Variants in SOCS5 observed in about 807,000 individuals in gnomAD.
The protein encoded by SOCS5 is CIS-6.
In SOCS5, 32 loss-of-function variants were observed where a neutral mutation model predicts 42.8. The observed-to-expected ratio is 0.75, with a 90% CI of 0.56 to 1.01. The LOEUF (loss-of-function observed/expected upper bound fraction) is 1.01. Among genes scored for constraint, SOCS5 ranks in the 50% least tolerant of loss-of-function variants. The pLI, the probability that SOCS5 is intolerant of heterozygous loss-of-function variation, is 0.00. For missense variants in SOCS5, 627 were observed against 653.0 expected, an observed-to-expected ratio of 0.96 and a Z score of 0.43; for synonymous variants, 283 against 229.6, an observed-to-expected ratio of 1.23 and a Z score of -2.10.
intron 1 of SOCS5, among the ~76,000 whole-genome samples, chr2:46,703,681 T>C (rs959815953): frequency 3.9e-5 from 6 of 152,232 alleles, no homozygotes; most frequent in African/African-American, 1.4e-4. Context: ...CTGTTATTCA[T>C]ATTTAAAATT....
In SOCS5 at chr2:46,702,068, A is replaced by G. The variant is rs183875943; in HGVS notation, c.-13+2619A>G. Among the ~76,000 whole-genome samples, 36 of 152,088 alleles carry G rather than the reference A, an allele frequency of 2.4e-4. No homozygotes were observed. The East Asian group carries it at 4.3e-3, about 18-fold the overall frequency. On this transcript the variant is annotated intron_variant, in intron 1 of 1. Transcript: ENST00000394861. Reference sequence around the variant, plus strand: ...TAGGCAAGTGATTTAACCACTGTGTACCTGAGTTTACTCGTTTGTAAAGGG... The same window carrying G: ...TAGGCAAGTGATTTAACCACTGTGTGCCTGAGTTTACTCGTTTGTAAAGGG...
chr2:46,706,641 C>T (rs1229589624), intron 1 of SOCS5, among the ~76,000 whole-genome samples: 2 of 152,126 alleles, frequency 1.3e-5, no homozygotes, highest in Non-Finnish European at 2.9e-5. Context: ...AGGAAAATAT[C>T]GTTTAATAGA....
At chr2:46,701,764 G>A (rs970181865) in intron 1 of SOCS5, among the ~76,000 whole-genome samples, 1 of 118,208 alleles carries the variant, frequency 8.5e-6, no homozygotes, top group Non-Finnish European at 2.0e-5. Flanking sequence ...TGTCATTTAG[G>A]TGAAAATATT....
intron 1 of SOCS5, among the ~76,000 whole-genome samples, chr2:46,744,110 C>G (rs926056725): frequency 5.9e-5 from 9 of 152,120 alleles, no homozygotes; most frequent in African/African-American, 1.7e-4. Flanking sequence ...CTCCCTCAGC[C>G]TCCCTAGTAG....
chr2:46,724,032 T>A (rs1199628715), intron 1 of SOCS5, among the ~76,000 whole-genome samples: 1 of 152,090 alleles, frequency 6.6e-6, no homozygotes, highest in African/African-American at 2.4e-5. Flanking sequence ...GATTGGTTTT[T>A]AAAATTTTTA....
chr2:46,756,132 T>C (rs1410678675), intron 1 of SOCS5, among the ~76,000 whole-genome samples: 2 of 152,156 alleles, frequency 1.3e-5, no homozygotes, highest in African/African-American at 4.8e-5. Context: ...TATAAAGAAC[T>C]ATATAAGGAG....
At chr2:46,734,873 A>G (rs1673208733) in intron 1 of SOCS5, among the ~76,000 whole-genome samples, 1 of 152,088 alleles carries the variant, frequency 6.6e-6, no homozygotes, top group Non-Finnish European at 1.5e-5. Context: ...CCCACTTTTC[A>G]GGTTGCTTTG....
intron 1 of SOCS5, among the ~76,000 whole-genome samples, chr2:46,741,835 G>A (rs1442522688): frequency 6.6e-6 from 1 of 152,002 alleles, no homozygotes; most frequent in Non-Finnish European, 1.5e-5. Context: ...TATAACTAAT[G>A]CTATGATGAA....
At chr2:46,737,603 A>G (rs993088892) in intron 1 of SOCS5, among the ~76,000 whole-genome samples, 2 of 152,188 alleles carry the variant, frequency 1.3e-5, no homozygotes, top group Admixed American at 6.5e-5. Flanking sequence ...CCAAATTAGC[A>G]ATCAGATTCT....
At chr2:46,703,554 G>A (rs1672394303) in intron 1 of SOCS5, among the ~76,000 whole-genome samples, 1 of 152,128 alleles carries the variant, frequency 6.6e-6, no homozygotes, top group Non-Finnish European at 1.5e-5. Context: ...GAATAAATTA[G>A]TTAAATATGG....
chr2:46,712,909 TA>T (rs1308639897), intron 1 of SOCS5, among the ~76,000 whole-genome samples: 2 of 152,222 alleles, frequency 1.3e-5, no homozygotes, highest in Non-Finnish European at 2.9e-5. Context: ...TGACTTTTTT[TA>T]TGAATTAGGA....
At position 46,714,170 on chromosome 2, in the gene SOCS5, C is replaced by T. The variant is rs1207548816; in HGVS notation, c.-13+14721C>T. Among the ~76,000 whole-genome samples, 3 of 152,144 alleles carry T rather than the reference C, an allele frequency of 2.0e-5. No individual in the cohort carries two copies. The South Asian group carries it at 6.2e-4, about 31-fold the overall frequency. On this transcript the variant is annotated intron_variant, in intron 1 of 1. Transcript: ENST00000394861. ...TAGATGCCAATTAGGTTAGTCTGATCTTCTTATATCTTACATCTTTACTGA... is the reference window on the plus strand; with the variant it reads ...TAGATGCCAATTAGGTTAGTCTGATTTTCTTATATCTTACATCTTTACTGA...
At chr2:46,725,512 C>A (rs1442318409) in intron 1 of SOCS5, among the ~76,000 whole-genome samples, 1 of 151,970 alleles carries the variant, frequency 6.6e-6, no homozygotes, top group African/African-American at 2.4e-5. Flanking sequence ...AAGTATTTTT[C>A]CACCTAAGTG....
chr2:46,721,461 A>C (rs191262585), intron 1 of SOCS5, among the ~76,000 whole-genome samples: 3 of 152,350 alleles, frequency 2.0e-5, no homozygotes, highest in Admixed American at 1.3e-4. Context: ...ACATTTTAGC[A>C]TAATGGAAAA....
intron 1 of SOCS5, among the ~76,000 whole-genome samples, chr2:46,704,388 A>G (rs189261607): frequency 4.0e-4 from 61 of 152,340 alleles, no homozygotes; most frequent in South Asian, 3.3e-3. Flanking sequence ...GAGAACTCCA[A>G]TGATGGAATG....
chr2:46,740,678 C>T (rs1673353702), intron 1 of SOCS5, among the ~76,000 whole-genome samples: 1 of 151,860 alleles, frequency 6.6e-6, no homozygotes, highest in Non-Finnish European at 1.5e-5. Context: ...AAAGCTGATA[C>T]CCAGGGAGTT....
At position 46,735,130 on chromosome 2, in the gene SOCS5, A is replaced by T. The variant is rs1374220387; in HGVS notation, c.-12-23389A>T. 2.0e-5 allele frequency among the ~76,000 whole-genome samples: 3 copies of T among 152,204 alleles called. No homozygotes were observed. In the East Asian group the frequency reaches 5.8e-4, roughly 29 times the overall value. ...GGTAGCAAGTAACAGAGACTTCAAA[A>T]TAAGGATGGCCTAAAAATGAGAATT... is the stretch of plus-strand genomic sequence containing the variant. On this transcript the variant is annotated intron_variant, in intron 1 of 1. Coordinates refer to ENST00000394861, the MANE Select transcript of SOCS5 (RefSeq NM_144949.3).
At chr2:46,753,101 A>T (rs1257477467) in intron 1 of SOCS5, among the ~76,000 whole-genome samples, 1 of 151,752 alleles carries the variant, frequency 6.6e-6, no homozygotes, top group African/African-American at 2.4e-5. Flanking sequence ...ACTTCCCTTC[A>T]CTCACTGGGT....
In SOCS5 at chr2:46,759,053, C is replaced by A; in HGVS notation, c.523C>A (p.Arg175Ser). 1 of 1,613,958 alleles carries A rather than the reference C, an allele frequency of 6.2e-7. No homozygotes were observed. Among genetic ancestry groups the A allele is most frequent in the Non-Finnish European group, 8.5e-7 (1 of 1,179,852 alleles). The change falls in exon 2 of 2, where the codon CGC becomes AGC. Residue 175 changes from arginine to serine, a missense_variant. Physicochemically the swap from Arg to Ser is moderately radical, Grantham distance 110. Coordinates refer to ENST00000394861, the MANE Select transcript of SOCS5 (RefSeq NM_144949.3). ...DSVSSRTVGS[R>S]SLRQRLQDTV... is the part of the protein sequence containing the mutation. ...TGTTTCCAGCAGAACTGTAGGAAGT[C>A]GCTCTCTAAGACAGAGGTTGCAGGA... is the stretch of plus-strand genomic sequence containing the variant.
Sources: gnomAD v4.1 joint callset for allele counts (sites outside exome capture counted in the v4.1 genomes callset) on GRCh38, gnomAD v4.1.1 for gene constraint, MANE v1.5 for transcripts, NCBI Gene and HGNC (gene_info 2026-07-23, HGNC 2026-07-21) for gene names.